The following GMDS variants were observed in gnomAD, a reference collection of about 807,000 sequenced individuals.
GMDS encodes the protein GDP-mannose 4,6 dehydratase.
In GMDS, 20 loss-of-function variants were observed where a neutral mutation model predicts 49.9. That is an observed-to-expected ratio of 0.40 (90% CI 0.28 to 0.58). The LOEUF (loss-of-function observed/expected upper bound fraction) is 0.58. Among genes scored for constraint, GMDS ranks in the 20% least tolerant of loss-of-function variants. The pLI is 0.42. For missense variants in GMDS, 362 were observed against 481.4 expected, an observed-to-expected ratio of 0.75 and a Z score of 2.32; for synonymous variants, 177 against 178.6, an observed-to-expected ratio of 0.99 and a Z score of 0.07.
At chr6:1,988,862 G>C (rs1232536895) in intron 4 of GMDS, among the ~76,000 whole-genome samples, 1 of 150,262 alleles carries the variant, frequency 6.7e-6, no homozygotes, top group Non-Finnish European at 1.5e-5. Context: ...ACACAGGTGA[G>C]AACCAAAAAA....
At chr6:1,830,858 C>T (rs528829948) in intron 7 of GMDS, among the ~76,000 whole-genome samples, 1 of 152,288 alleles carries the variant, frequency 6.6e-6, no homozygotes, top group East Asian at 1.9e-4. Flanking sequence ...AGAACCTCTT[C>T]GAGAATATGC....
intron 4 of GMDS, among the ~76,000 whole-genome samples, chr6:1,978,766 T>C (rs1271192136): frequency 6.6e-6 from 1 of 152,134 alleles, no homozygotes; most frequent in Non-Finnish European, 1.5e-5. Flanking sequence ...ATTGTTTTTT[T>C]AAGTGGGTCT....
chr6:1,646,494 C>G (rs1763489327), intron 9 of GMDS, among the ~76,000 whole-genome samples: 1 of 152,214 alleles, frequency 6.6e-6, no homozygotes, highest in South Asian at 2.1e-4. Context: ...TCATGGCTCA[C>G]TGCAGCCTCC....
intron 9 of GMDS, among the ~76,000 whole-genome samples, chr6:1,680,957 T>C (rs760475231): frequency 1.3e-5 from 2 of 152,116 alleles, no homozygotes; most frequent in Admixed American, 1.3e-4. Context: ...AACTAGTCTG[T>C]TCTCTCTCAC....
At chr6:1,853,475 G>A (rs984940086) in intron 7 of GMDS, among the ~76,000 whole-genome samples, 12 of 134,914 alleles carry the variant, frequency 8.9e-5, no homozygotes, top group African/African-American at 2.4e-4. Context: ...CTGAGATCGC[G>A]CCACTGCACT....
In GMDS at chr6:1,878,042, G is replaced by A. The variant is rs577396747; in HGVS notation, c.771+52061C>T. Among the ~76,000 whole-genome samples the A allele has an allele frequency of 4.0e-3, 606 of 152,158 alleles. 1 individual carries two copies. The highest frequency in any genetic ancestry group is 5.1e-3 in the Non-Finnish European group (350 of 67,996). On this transcript the variant is annotated intron_variant, in intron 7 of 10. Coordinates refer to ENST00000380815, the MANE Select transcript of GMDS (RefSeq NM_001500.4). ...TTCTTTAAGAAGTCCTGCTGGGCGC[G>A]GTGGCTCACGCCTGTCATCCCAGCA...
In GMDS at chr6:2,023,399, A is replaced by G. The variant is rs1475074256; in HGVS notation, c.346-62433T>C. On this transcript the variant is annotated intron_variant, in intron 4 of 10. Transcript: ENST00000380815. ...TAAACTGTTCTGTGCCACAATTTTC[A>G]GAATTCAAAACATAAGAAAACTTGT... 2.0e-5 allele frequency among the ~76,000 whole-genome samples: 3 copies of G among 152,374 alleles called. No homozygotes were observed. In the East Asian group the frequency reaches 5.8e-4, roughly 29 times the overall value.
In GMDS at chr6:2,161,484, A is replaced by T. The variant is rs115895194; in HGVS notation, c.103-36753T>A. Among the ~76,000 whole-genome samples, 834 of 152,332 alleles carry T rather than the reference A, an allele frequency of 5.5e-3. 2 individuals carry two copies. The highest frequency in any genetic ancestry group is 0.017 in the Middle Eastern group (5 of 294). ...TCTTATGAGTACTGGGACAAGATTT[A>T]GGAATTATCAGAGGATTGACAGCTT... is the stretch of plus-strand genomic sequence containing the variant. On this transcript the variant is annotated intron_variant, in intron 1 of 10. Transcript: ENST00000380815.
intron 1 of GMDS, among the ~76,000 whole-genome samples, chr6:2,149,892 T>C (rs1776762622): frequency 6.6e-6 from 1 of 152,102 alleles, no homozygotes; most frequent in Non-Finnish European, 1.5e-5. Flanking sequence ...GCTTGGGAGC[T>C]TTCTCTTTCT....
intron 1 of GMDS, among the ~76,000 whole-genome samples, chr6:2,163,224 A>G (rs972349468): frequency 6.6e-6 from 1 of 151,430 alleles, no homozygotes; most frequent in Admixed American, 6.6e-5. Context: ...CAAGCAAGGG[A>G]AGTGTCAGAA....
chr6:1,988,151 T>C (rs10223785), intron 4 of GMDS, among the ~76,000 whole-genome samples: 10,888 of 152,246 alleles, frequency 0.072, 534 homozygotes, highest in South Asian at 0.2. Context: ...TAATTTTCTG[T>C]GCAATTTAAC....
At chr6:1,662,919 G>A (rs1271264305) in intron 9 of GMDS, among the ~76,000 whole-genome samples, 3 of 152,184 alleles carry the variant, frequency 2.0e-5, no homozygotes, top group African/African-American at 7.2e-5. Flanking sequence ...AACTTCCATA[G>A]TGCATGAATC....
At chr6:1,629,454 G>A (rs78632683) in intron 9 of GMDS, among the ~76,000 whole-genome samples, 22,361 of 152,002 alleles carry the variant, frequency 0.15, 1,716 homozygotes, top group South Asian at 0.23. Flanking sequence ...TCCGTAGGCA[G>A]AGCTCAAACA....
In GMDS at chr6:1,701,995, T is replaced by C. The variant is rs544626728; in HGVS notation, c.987+24421A>G. 2.6e-5 allele frequency among the ~76,000 whole-genome samples: 4 copies of C among 152,352 alleles called. No homozygotes were observed. The South Asian group carries it at 8.3e-4, about 32-fold the overall frequency. ...TATAAAATGTCAGATGGCCAACATTTTTGCGATGGGGGTGTGAGAGATTCT... is the reference window on the plus strand; with the variant it reads ...TATAAAATGTCAGATGGCCAACATTCTTGCGATGGGGGTGTGAGAGATTCT... On this transcript the variant is annotated intron_variant, in intron 9 of 10. Transcript: ENST00000380815.
intron 7 of GMDS, among the ~76,000 whole-genome samples, chr6:1,761,474 A>G (rs1177540187): frequency 6.6e-6 from 1 of 152,202 alleles, no homozygotes; most frequent in Non-Finnish European, 1.5e-5. Flanking sequence ...AAGACTGTTA[A>G]CAAGAAAGCC....
intron 9 of GMDS, among the ~76,000 whole-genome samples, chr6:1,703,845 A>T (rs1765626814): frequency 1.3e-5 from 2 of 152,360 alleles, no homozygotes; most frequent in South Asian, 4.1e-4. Context: ...TATTTCTCCC[A>T]CAACTTGATG....
chr6:2,119,105 TA>T (rs1373542689), intron 2 of GMDS, among the ~76,000 whole-genome samples: 2 of 152,138 alleles, frequency 1.3e-5, no homozygotes, highest in Non-Finnish European at 2.9e-5. Flanking sequence ...CTAAAAAGAG[TA>T]ATTTAAGTTT....
chr6:1,881,878 C>T (rs189865626), intron 7 of GMDS, among the ~76,000 whole-genome samples: 3 of 152,244 alleles, frequency 2.0e-5, no homozygotes, highest in Non-Finnish European at 2.9e-5. Flanking sequence ...TAAGAATTAC[C>T]ATTAGAAGGA....
chr6:2,040,687 A>T (rs1278613772), intron 4 of GMDS, among the ~76,000 whole-genome samples: 1 of 152,172 alleles, frequency 6.6e-6, no homozygotes, highest in Admixed American at 6.5e-5. Context: ...TGGCACACTG[A>T]CATTTGAGAA....
Sources: gnomAD v4.1 joint callset for allele counts (sites outside exome capture counted in the v4.1 genomes callset) on GRCh38, gnomAD v4.1.1 for gene constraint, MANE v1.5 for transcripts, NCBI Gene and HGNC (gene_info 2026-07-23, HGNC 2026-07-21) for gene names.